NEXMIF: variants seen among roughly 807,000 people sequenced by gnomAD.
The protein encoded by NEXMIF is XLMR protein related to neurite extension.
Under a neutral mutation model 62.1 loss-of-function variants are expected in NEXMIF, and 8 were observed. The observed-to-expected ratio is 0.13, with a 90% CI of 0.08 to 0.23. The LOEUF (loss-of-function observed/expected upper bound fraction) is 0.23. NEXMIF is among the 10% of genes least tolerant of loss of function. The probability of loss-of-function intolerance (pLI) is 1.00; values close to 1 mark genes in which losing one functional copy is unlikely to be tolerated. For missense variants in NEXMIF, 976 were observed against 1,113.3 expected, an observed-to-expected ratio of 0.88 and a Z score of 1.75; for synonymous variants, 404 against 416.6, an observed-to-expected ratio of 0.97 and a Z score of 0.37.
chrX:74,847,891 CT>C (rs1752689184), intron 1 of NEXMIF, among the ~76,000 whole-genome samples: 1 of 111,363 alleles, frequency 9.0e-6, no homozygotes, highest in South Asian at 3.8e-4. Context: ...TCTCACTCAT[CT>C]CATCAAATGA....
rs1218693057 is a variant in NEXMIF, at chrX:74,743,960, C to G, written c.597G>C (p.Leu199=). The change falls in exon 3 of 4, where the codon CTG becomes CTC. Residue 199 remains leucine (L), a synonymous_variant. Transcript: ENST00000055682. ...GGAAGCCTAGGAGCTGGTCTGAGAG[C>G]AGCTGCTCTCCATATTTCATATTTT... is the stretch of plus-strand genomic sequence containing the variant. ...AGENMKYGEQ[L]LSDQLLGFPL... 8.3e-7 allele frequency: 1 copy of G among 1,211,362 alleles called. No individual in the cohort carries two copies. Among genetic ancestry groups the G allele is most frequent in the South Asian group, 1.8e-5 (1 of 56,919 alleles).
rs1436286614 is a variant in NEXMIF at position 74,742,019 on chromosome X, A to C, written c.2538T>G (p.Thr846=). ...HSPEQNEGSL[T]QTEKSFVPLQ... ...GGGGTACAAATGATTTTTCGGTTTGAGTGAGGCTGCCTTCATTTTGCTCTG... is the reference window on the plus strand; with the variant it reads ...GGGGTACAAATGATTTTTCGGTTTGCGTGAGGCTGCCTTCATTTTGCTCTG... The change falls in exon 3 of 4, where the codon ACT becomes ACG. Residue 846 remains threonine, a synonymous_variant. Coordinates refer to ENST00000055682, the MANE Select transcript of NEXMIF (RefSeq NM_001008537.3). 2 of 1,211,707 alleles carry C rather than the reference A, an allele frequency of 1.7e-6. No homozygotes were observed. Among genetic ancestry groups the C allele is most frequent in the Non-Finnish European group, 2.2e-6 (2 of 895,419 alleles).
At chrX:74,791,452 T>C (rs1356622703) in intron 1 of NEXMIF, among the ~76,000 whole-genome samples, 1 of 111,187 alleles carries the variant, frequency 9.0e-6, no homozygotes, top group East Asian at 2.8e-4. Context: ...TTTTGTTGTG[T>C]CTCTGCCTGG....
chrX:74,878,141 T>C (rs773988803), intron 1 of NEXMIF, among the ~76,000 whole-genome samples: 1 of 111,597 alleles, frequency 9.0e-6, no homozygotes, highest in Non-Finnish European at 1.9e-5. Context: ...TGGTCTTTGA[T>C]GATGGTGATG....
At chrX:74,893,634 CTATT>C (rs2080724388) in intron 1 of NEXMIF, among the ~76,000 whole-genome samples, 1 of 112,407 alleles carries the variant, frequency 8.9e-6, no homozygotes, top group South Asian at 3.7e-4. Flanking sequence ...TGGAAAAACT[CTATT>C]TAGGCAAGTT....
intron 1 of NEXMIF, among the ~76,000 whole-genome samples, chrX:74,854,268 C>T (rs772897787): frequency 3.3e-4 from 37 of 112,028 alleles, no homozygotes; most frequent in Middle Eastern, 4.6e-3. Context: ...AAGGATGGTT[C>T]AACATATACA....
rs768293839 is a variant in NEXMIF, at chrX:74,923,447, G to A, written c.-48+1436C>T. On this transcript the variant is annotated intron_variant, in intron 1 of 3. Transcript: ENST00000055682. ...TTTTATTTGATTAGCCGGTTTCCCA[G>A]TTAATATGTAAAATGACAGTTACTT... Among the ~76,000 whole-genome samples the A allele has an allele frequency of 6.9e-4, 77 of 112,230 alleles. 2 individuals carry two copies. The Admixed American group carries it at 7.2e-3, about 11-fold the overall frequency.
chrX:74,848,285 G>A (rs2676493), intron 1 of NEXMIF, among the ~76,000 whole-genome samples: 8,830 of 112,196 alleles, frequency 0.079, 842 homozygotes, highest in African/African-American at 0.27. Context: ...AGCTGGCAAG[G>A]AAGCCAGATG....
At chrX:74,791,108 TG>T (rs2147464312) in intron 1 of NEXMIF, among the ~76,000 whole-genome samples, 1 of 110,480 alleles carries the variant, frequency 9.1e-6, no homozygotes, top group East Asian at 2.8e-4. Context: ...ATATTGGCTG[TG>T]GGTTTGTCAT....
At chrX:74,827,690 G>T (rs1026575066) in intron 1 of NEXMIF, among the ~76,000 whole-genome samples, 5 of 111,589 alleles carry the variant, frequency 4.5e-5, no homozygotes, top group African/African-American at 1.3e-4. Context: ...TGATTTCCAT[G>T]GATTAAACAA....
At chrX:74,905,706 A>G (rs2080765544) in intron 1 of NEXMIF, among the ~76,000 whole-genome samples, 1 of 110,355 alleles carries the variant, frequency 9.1e-6, no homozygotes, top group Non-Finnish European at 1.9e-5. Context: ...GCTACTTGGG[A>G]GGTTGAGGAA....
At chrX:74,796,286 T>C (rs1383699863) in intron 1 of NEXMIF, among the ~76,000 whole-genome samples, 6 of 20,886 alleles carry the variant, frequency 2.9e-4, no homozygotes, top group Non-Finnish European at 5.2e-4. Flanking sequence ...ATATATATTA[T>C]ATATATTATA....
chrX:74,922,020 T>C (rs1168732983), intron 1 of NEXMIF, among the ~76,000 whole-genome samples: 1 of 112,180 alleles, frequency 8.9e-6, no homozygotes, highest in African/African-American at 3.2e-5. Context: ...CTGCAACCAA[T>C]GCTTCTCTGG....
chrX:74,898,892 A>G (rs888077910), intron 1 of NEXMIF, among the ~76,000 whole-genome samples: 3 of 111,635 alleles, frequency 2.7e-5, no homozygotes, highest in Non-Finnish European at 1.9e-5. Context: ...GTACCATCAC[A>G]AACAATACTT....
intron 1 of NEXMIF, among the ~76,000 whole-genome samples, chrX:74,816,843 T>G (rs2080377629): frequency 8.9e-6 from 1 of 112,198 alleles, no homozygotes; most frequent in Non-Finnish European, 1.9e-5. Flanking sequence ...TCTGAGATAG[T>G]ATACCATCTG....
intron 1 of NEXMIF, among the ~76,000 whole-genome samples, chrX:74,901,777 T>A (rs1281398836): frequency 1.8e-5 from 2 of 111,506 alleles, no homozygotes; most frequent in Non-Finnish European, 3.8e-5. Flanking sequence ...GTACATTTTA[T>A]CTACAAATGA....
chrX:74,825,655 AGT>A (rs1477452449), intron 1 of NEXMIF, among the ~76,000 whole-genome samples: 5 of 111,977 alleles, frequency 4.5e-5, no homozygotes, highest in Non-Finnish European at 9.4e-5. Context: ...CCCAGGTTCA[AGT>A]GATTCTCCTG....
intron 1 of NEXMIF, among the ~76,000 whole-genome samples, chrX:74,841,314 T>C (rs2080473136): frequency 8.9e-6 from 1 of 112,182 alleles, no homozygotes; most frequent in South Asian, 3.7e-4. Context: ...TAGTGATTCT[T>C]GTACATTGAT....
chrX:74,834,598 C>T (rs2080450136), intron 1 of NEXMIF, among the ~76,000 whole-genome samples: 1 of 111,645 alleles, frequency 9.0e-6, no homozygotes, highest in African/African-American at 3.3e-5. Flanking sequence ...AAATATGTTT[C>T]CTTTAGCCCT....
Sources: gnomAD v4.1 joint callset for allele counts (sites outside exome capture counted in the v4.1 genomes callset) on GRCh38, gnomAD v4.1.1 for gene constraint, MANE v1.5 for transcripts, NCBI Gene and HGNC (gene_info 2026-07-23, HGNC 2026-07-21) for gene names.